Variants in RNLS observed in about 807,000 individuals in gnomAD.
RNLS encodes the protein renalase.
A neutral mutation model predicts 39.8 loss-of-function variants in RNLS; 39 were observed. The observed-to-expected ratio is 0.98, with a 90% CI of 0.76 to 1.28. The LOEUF (loss-of-function observed/expected upper bound fraction) is 1.28, where lower values mean the gene tolerates loss of function less well. RNLS is among the 50% of genes most tolerant of loss of function. The probability of loss-of-function intolerance (pLI) is 0.00; values close to 1 mark genes in which losing one functional copy is unlikely to be tolerated. For synonymous variants in RNLS, 147 were observed against 150.7 expected (o/e 0.98, Z 0.18); for missense variants, 410 against 413.3 (o/e 0.99, Z 0.07).
intron 4 of RNLS, among the ~76,000 whole-genome samples, chr10:88,504,842 AGAGTGTGTGTGTGT>A (rs1217078344): frequency 1.9e-5 from 2 of 106,820 alleles, no homozygotes; most frequent in Admixed American, 1.1e-4. Flanking sequence ...AGAGAGAGAC[AGAGTGTGTGTGTGT>A]GTGTGTGTGT....
At chr10:88,473,026 C>T (rs946432240) in intron 4 of RNLS, among the ~76,000 whole-genome samples, 12 of 152,168 alleles carry the variant, frequency 7.9e-5, no homozygotes, top group African/African-American at 2.9e-4. Context: ...CCTTGATGAA[C>T]AGTCTACTAC....
At chr10:88,355,896 C>T (rs1057008025) in intron 5 of RNLS, among the ~76,000 whole-genome samples, 10 of 152,320 alleles carry the variant, frequency 6.6e-5, no homozygotes, top group South Asian at 2.1e-4. Context: ...TTTACCTACT[C>T]GAACTTCAGC....
At chr10:88,385,434 T>C (rs755069105) in intron 4 of RNLS, among the ~76,000 whole-genome samples, 26 of 152,212 alleles carry the variant, frequency 1.7e-4, no homozygotes, top group Non-Finnish European at 2.8e-4. Flanking sequence ...ATGTCAGGTA[T>C]TTCTATTTAT....
intron 4 of RNLS, among the ~76,000 whole-genome samples, chr10:88,401,477 A>T (rs547955108): frequency 2.0e-5 from 3 of 152,022 alleles, no homozygotes; most frequent in Non-Finnish European, 4.4e-5. Context: ...TTTTTAGTAA[A>T]TTAAAAGTTA....
chr10:88,501,669 T>C (rs1292810745), intron 4 of RNLS, among the ~76,000 whole-genome samples: 1 of 152,200 alleles, frequency 6.6e-6, no homozygotes, highest in Non-Finnish European at 1.5e-5. Flanking sequence ...CATTTGCACA[T>C]TTTGTATTCA....
chr10:88,463,504 G>A (rs1843044414), intron 4 of RNLS, among the ~76,000 whole-genome samples: 1 of 151,912 alleles, frequency 6.6e-6, no homozygotes, highest in Non-Finnish European at 1.5e-5. Context: ...CCCAGTCTGT[G>A]GTACTTTGTT....
chr10:88,441,410 TG>T (rs1465078474), intron 4 of RNLS, among the ~76,000 whole-genome samples: 3 of 152,208 alleles, frequency 2.0e-5, no homozygotes, highest in African/African-American at 7.2e-5. Context: ...ATTATTGTGC[TG>T]GGAAGTAGGC....
intron 5 of RNLS, among the ~76,000 whole-genome samples, chr10:88,331,752 G>T (rs1300046260): frequency 1.3e-5 from 2 of 152,116 alleles, no homozygotes; most frequent in Non-Finnish European, 2.9e-5. Context: ...CAGTCCATTT[G>T]GAACTGGCTG....
intron 4 of RNLS, among the ~76,000 whole-genome samples, chr10:88,494,945 C>T (rs1214936094): frequency 1.3e-5 from 2 of 152,142 alleles, no homozygotes; most frequent in Non-Finnish European, 2.9e-5. Context: ...CTGCCACTTC[C>T]TTCCTATGTC....
chr10:88,262,438 A>T, the RNLS span, among the ~76,000 whole-genome samples: 6 of 152,136 alleles, frequency 3.9e-5, no homozygotes, highest in Non-Finnish European at 8.8e-5. Flanking sequence ...AAGGAACAGG[A>T]CTCAGATCGG....
chr10:88,220,215 C>T, the RNLS span, among the ~76,000 whole-genome samples: 1 of 152,196 alleles, frequency 6.6e-6, no homozygotes, highest in African/African-American at 2.4e-5. Flanking sequence ...AGAAACACAT[C>T]CCCAGCCCTC....
chr10:88,444,579 A>G (rs1372593233), intron 4 of RNLS, among the ~76,000 whole-genome samples: 2 of 152,230 alleles, frequency 1.3e-5, no homozygotes, highest in Non-Finnish European at 2.9e-5. Flanking sequence ...TTGAAAAAAA[A>G]TTAGACGAAT....
chr10:88,426,625 G>A (rs1482125558), intron 4 of RNLS, among the ~76,000 whole-genome samples: 1 of 151,990 alleles, frequency 6.6e-6, no homozygotes, highest in African/African-American at 2.4e-5. Flanking sequence ...CTACTTGCCT[G>A]GCACTGTTCT....
At position 88,561,689 on chromosome 10, in the gene RNLS, A is replaced by T. The variant is rs899777622; in HGVS notation, c.526+11214T>A. On this transcript the variant is annotated intron_variant, in intron 4 of 6. Coordinates refer to ENST00000331772, the MANE Select transcript of RNLS (RefSeq NM_001031709.3). ...AGTCAAGTATCTATTAAAGAAAAAG[A>T]CACACTTGACTAAATAAAAATCTTA... 5.3e-4 allele frequency among the ~76,000 whole-genome samples: 81 copies of T among 152,164 alleles called. 6 individuals are homozygous for T. The highest frequency in any genetic ancestry group is 2.6e-4 in the Admixed American group (4 of 15,268).
chr10:88,344,558 G>T (rs1019813879), intron 5 of RNLS, among the ~76,000 whole-genome samples: 10 of 151,958 alleles, frequency 6.6e-5, no homozygotes, highest in African/African-American at 2.4e-4. Flanking sequence ...TTATGATATT[G>T]TTAGCCACTC....
At chr10:88,527,697 G>A (rs1382563420) in intron 4 of RNLS, among the ~76,000 whole-genome samples, 2 of 151,962 alleles carry the variant, frequency 1.3e-5, no homozygotes, top group African/African-American at 4.8e-5. Flanking sequence ...CAAATACATA[G>A]AGCTTCCAGT....
At chr10:88,446,376 T>C (rs1028297503) in intron 4 of RNLS, among the ~76,000 whole-genome samples, 4 of 152,046 alleles carry the variant, frequency 2.6e-5, no homozygotes, top group African/African-American at 9.7e-5. Context: ...AGATCTAAAA[T>C]TGACACCTTA....
intron 4 of RNLS, among the ~76,000 whole-genome samples, chr10:88,480,633 G>A (rs981104250): frequency 6.6e-6 from 1 of 152,138 alleles, no homozygotes; most frequent in African/African-American, 2.4e-5. Context: ...TGTTGATCAG[G>A]CTGGTTTCGA....
chr10:88,174,257 T>C, the RNLS span, among the ~76,000 whole-genome samples: 1 of 151,978 alleles, frequency 6.6e-6, no homozygotes, highest in Non-Finnish European at 1.5e-5. Context: ...TTCTTTTGCA[T>C]GATTGATCTG....
Sources: gnomAD v4.1 joint callset for allele counts (sites outside exome capture counted in the v4.1 genomes callset) on GRCh38, gnomAD v4.1.1 for gene constraint, MANE v1.5 for transcripts, NCBI Gene and HGNC (gene_info 2026-07-23, HGNC 2026-07-21) for gene names.